Variants in HYDIN observed in about 807,000 individuals in gnomAD.
The protein encoded by HYDIN is HYDIN axonemal central pair apparatus protein, also known as axonemal central pair apparatus protein HYDIN.
In HYDIN, 132 loss-of-function variants were observed where a neutral mutation model predicts 403.9. The observed-to-expected ratio is 0.33, with a 90% CI of 0.28 to 0.38. The LOEUF (loss-of-function observed/expected upper bound fraction) is 0.38. Ranked by LOEUF, HYDIN falls within the 10% of genes least tolerant of loss-of-function variation. The pLI is 1.00. For synonymous variants in HYDIN, 1,202 were observed against 1,891.7 expected (o/e 0.64, Z 9.46); for missense variants, 2,827 against 5,009.5 (o/e 0.56, Z 13.15).
In HYDIN at chr16:70,978,795, C is replaced by A. The variant is rs997213077; in HGVS notation, c.4638+119G>T. The A allele has an allele frequency of 7.6e-5, 61 of 801,480 alleles. No homozygotes were observed. The East Asian group carries it at 1.5e-3, about 20-fold the overall frequency. 49.6% of individuals were successfully genotyped at this position (801,480 alleles called of 1,614,324 possible). On this transcript the variant is annotated intron_variant, in intron 30 of 85. Coordinates refer to ENST00000393567, the MANE Select transcript of HYDIN (RefSeq NM_001270974.2). ...TGCCCCTGGGCTTCTGCACACAGTGCCCTTCTGCACACACACCCCACACAC... is the reference window on the plus strand; with the variant it reads ...TGCCCCTGGGCTTCTGCACACAGTGACCTTCTGCACACACACCCCACACAC...
chr16:71,178,940 C>T lies in HYDIN; in HGVS notation c.369G>A (p.Arg123=). Residue 123 remains arginine, a synonymous_variant, in exon 4 of 86, where the codon AGG becomes AGA. Coordinates refer to ENST00000393567, the MANE Select transcript of HYDIN (RefSeq NM_001270974.2). ...TGAACATACTCACTTTGTCATTGTTCCTCAAAATCAGTGGAACTTCATAGA... is the reference window on the plus strand; with the variant it reads ...TGAACATACTCACTTTGTCATTGTTTCTCAAAATCAGTGGAACTTCATAGA... The part of the protein sequence containing the change: ...CEVYEVPLIL[R]NNDKIPRLVK... 1 of 1,611,606 alleles carries T rather than the reference C, an allele frequency of 6.2e-7. No individual in the cohort carries two copies. The highest frequency in any genetic ancestry group is 8.5e-7 in the Non-Finnish European group (1 of 1,178,906).
At chr16:71,198,487 A>C (rs1164957735) in intron 1 of HYDIN, among the ~76,000 whole-genome samples, 2 of 152,118 alleles carry the variant, frequency 1.3e-5, no homozygotes, top group African/African-American at 4.8e-5. Flanking sequence ...ATAACTGTAG[A>C]ATATGCTAGG....
intron 58 of HYDIN, among the ~76,000 whole-genome samples, chr16:70,886,626 C>T (rs2041154872): frequency 6.6e-6 from 1 of 152,130 alleles, no homozygotes; most frequent in Admixed American, 6.5e-5. Flanking sequence ...ATTCTTTTAG[C>T]TTTGTTTCAT....
intron 9 of HYDIN, among the ~76,000 whole-genome samples, chr16:71,117,971 G>A (rs2084107424): frequency 6.6e-6 from 1 of 151,884 alleles, no homozygotes. Context: ...GATACCTCGG[G>A]CCATTGCTCT....
At chr16:70,996,507 G>A (rs1191938631) in intron 23 of HYDIN, among the ~76,000 whole-genome samples, 1 of 151,948 alleles carries the variant, frequency 6.6e-6, no homozygotes, top group Non-Finnish European at 1.5e-5. Flanking sequence ...GCACTATGGG[G>A]CCTGGGGGCT....
intron 18 of HYDIN, among the ~76,000 whole-genome samples, chr16:71,056,665 C>T (rs551003186): frequency 7.9e-5 from 12 of 152,200 alleles, no homozygotes; most frequent in Non-Finnish European, 1.6e-4. Context: ...CACCCTATGG[C>T]CAAAAGAGGA....
At chr16:70,904,478 CTTTTTTTTTTTTTTTTTT>C (rs76148650) in intron 50 of HYDIN, among the ~76,000 whole-genome samples, 13 of 25,210 alleles carry the variant, frequency 5.2e-4, no homozygotes, top group African/African-American at 7.8e-4. Flanking sequence ...ACTTGAGTAA[CTTTTTTTTTTTTTTTTTT>C]TTTTTTTTTT....
At chr16:71,216,203 T>C (rs984444349) in intron 1 of HYDIN, among the ~76,000 whole-genome samples, 22 of 152,306 alleles carry the variant, frequency 1.4e-4, no homozygotes, top group African/African-American at 3.6e-4. Context: ...TAGTGGAATA[T>C]TGGAAACAAC....
intron 76 of HYDIN, among the ~76,000 whole-genome samples, chr16:70,839,730 A>T (rs2037685403): frequency 6.6e-6 from 1 of 151,534 alleles, no homozygotes. Context: ...CTGCAAAGCC[A>T]CTGGCCTGAG....
chr16:71,027,165 G>A, intron 20 of HYDIN: 3 of 1,040,768 alleles, frequency 2.9e-6, no homozygotes, highest in Non-Finnish European at 3.5e-6. Context: ...GTTTTGAAAT[G>A]TGAGTTGCAG....
intron 5 of HYDIN, among the ~76,000 whole-genome samples, chr16:71,173,977 G>A (rs2086567813): frequency 6.6e-6 from 1 of 152,004 alleles, no homozygotes. Context: ...CAAAAATGAG[G>A]GTGTAGGAAT....
At chr16:70,835,294 C>A (rs567793678) in intron 78 of HYDIN, among the ~76,000 whole-genome samples, 47 of 152,086 alleles carry the variant, frequency 3.1e-4, no homozygotes, top group African/African-American at 1.0e-3. Context: ...CTACGCCCAG[C>A]CTAGGAATGT....
intron 10 of HYDIN, among the ~76,000 whole-genome samples, chr16:71,102,570 A>G (rs2083490467): frequency 6.6e-6 from 1 of 151,502 alleles, no homozygotes; most frequent in African/African-American, 2.4e-5. Flanking sequence ...TGCATGTGCC[A>G]GCAAAAACAT....
intron 44 of HYDIN, among the ~76,000 whole-genome samples, chr16:70,936,887 C>T (rs920050957): frequency 6.6e-6 from 1 of 151,530 alleles, no homozygotes; most frequent in Non-Finnish European, 1.5e-5. Flanking sequence ...CCATGGTGCT[C>T]AGTCCGAAAG....
rs751455488 is a variant in HYDIN at position 71,187,614 on chromosome 16, GATAAA to G, written c.-23-701_-23-697del. Among the ~76,000 whole-genome samples, 24 of 151,854 alleles carry G rather than the reference GATAAA, an allele frequency of 1.6e-4. No individual in the cohort carries two copies. In the South Asian group the frequency reaches 1.9e-3, roughly 12 times the overall value. On this transcript the variant is annotated intron_variant, in intron 1 of 85. Transcript: ENST00000393567. ...CTAAAAAAGAGAACTAAAAATTATTGATAAAATATCAAATTAAAAACCCTAAAACC... is the reference window on the plus strand; with the variant it reads ...CTAAAAAAGAGAACTAAAAATTATTGATATCAAATTAAAAACCCTAAAACC...
chr16:70,893,675 C>G (rs1009645417), intron 55 of HYDIN: 1 of 151,882 alleles, frequency 6.6e-6, no homozygotes, highest in Non-Finnish European at 1.5e-5. Context: ...ATATGACCAC[C>G]ACGCCTAGCT....
At chr16:71,030,997 G>A (rs1245262422) in intron 19 of HYDIN, among the ~76,000 whole-genome samples, 1 of 151,260 alleles carries the variant, frequency 6.6e-6, no homozygotes, top group African/African-American at 2.4e-5. Context: ...TCAGGAGATC[G>A]AGACCATCCT....
In HYDIN at chr16:70,879,676, C is replaced by T. The variant is rs767117552; in HGVS notation, c.10296G>A (p.Thr3432=). 2.4e-5 allele frequency: 37 copies of T among 1,543,186 alleles called. No homozygotes were observed. Among genetic ancestry groups the T allele is most frequent in the African/African-American group, 1.9e-4 (13 of 68,402 alleles). The part of the protein sequence containing the change: ...CIASHSHAFA[T]VSFTPQIMQN... The stretch of plus-strand genomic sequence containing the variant: ...GCATGATCTGCGGGGTGAAGGACAC[C>T]GTGGCAAAGGCATGGGAATGACTGG... The change falls in exon 61 of 86, where the codon ACG becomes ACA. Residue 3432 remains threonine (T), a synonymous_variant. Coordinates refer to ENST00000393567, the MANE Select transcript of HYDIN (RefSeq NM_001270974.2).
intron 58 of HYDIN, among the ~76,000 whole-genome samples, chr16:70,886,069 C>T (rs560467956): frequency 1.3e-5 from 2 of 148,514 alleles, no homozygotes; most frequent in South Asian, 4.2e-4. Flanking sequence ...TTAAATATGC[C>T]ATATTTGTTT....
Sources: gnomAD v4.1 joint callset for allele counts (sites outside exome capture counted in the v4.1 genomes callset) on GRCh38, gnomAD v4.1.1 for gene constraint, MANE v1.5 for transcripts, NCBI Gene and HGNC (gene_info 2026-07-23, HGNC 2026-07-21) for gene names.